The following IFNAR1 variants were observed in gnomAD, a reference collection of about 807,000 sequenced individuals.
IFNAR1 encodes interferon alpha and beta receptor subunit 1, also known as interferon alpha/beta receptor 1.
In IFNAR1, 47 loss-of-function variants were observed where a neutral mutation model predicts 62.1. The ratio of observed to expected loss-of-function variants is 0.76; its 90% CI spans 0.60 to 0.97. The LOEUF (loss-of-function observed/expected upper bound fraction) is 0.97, where lower values mean the gene tolerates loss of function less well. Among genes scored for constraint, IFNAR1 ranks in the 50% least tolerant of loss-of-function variants. IFNAR1 has a pLI of 0.00. For missense variants in IFNAR1, 638 were observed against 654.5 expected (o/e 0.97, Z 0.27); for synonymous variants, 219 against 226.9 (o/e 0.97, Z 0.31).
At chr21:33,337,027 AGGCGT>A (rs1165092876) in intron 2 of IFNAR1, among the ~76,000 whole-genome samples, 1 of 152,080 alleles carries the variant, frequency 6.6e-6, no homozygotes, top group African/African-American at 2.4e-5. Flanking sequence ...CTAGGATTAC[AGGCGT>A]GAGCCACTGC....
intron 1 of IFNAR1, among the ~76,000 whole-genome samples, chr21:33,331,440 T>C (rs1447972280): frequency 6.6e-6 from 1 of 152,214 alleles, no homozygotes; most frequent in African/African-American, 2.4e-5. Context: ...TAGTATCCTA[T>C]GTCTCAGGGA....
chr21:33,337,234 TAAATA>T (rs906657939), intron 2 of IFNAR1, among the ~76,000 whole-genome samples: 4 of 151,804 alleles, frequency 2.6e-5, no homozygotes, highest in Admixed American at 6.6e-5. Context: ...AATAAATAAA[TAAATA>T]AAATAAAATA....
At chr21:33,334,555 C>A in intron 1 of IFNAR1, 1 of 515,314 alleles carries the variant, frequency 1.9e-6, no homozygotes, top group South Asian at 1.7e-5. Flanking sequence ...ACCGCTAGAA[C>A]TGCCCTGCGA....
At position 33,353,744 on chromosome 21, in the gene IFNAR1, C is replaced by A. The variant is rs768989857; in HGVS notation, c.1401C>A (p.Val467=). 6.3e-7 allele frequency: 1 copy of A among 1,589,334 alleles called. No homozygotes were observed. Among genetic ancestry groups the A allele is most frequent in the Non-Finnish European group, 8.5e-7 (1 of 1,170,396 alleles). Residue 467 remains valine (V), a synonymous_variant, in exon 10 of 11, where the codon GTC becomes GTA. Transcript: ENST00000270139. The part of the protein sequence containing the change: ...AKVFLRCINY[V]FFPSLKPSSS... ...TCTTCTTGAGATGCATCAATTATGT[C>A]TTCTTTCCATCACTTAAACCTTCTT... is the stretch of plus-strand genomic sequence containing the variant.
intron 1 of IFNAR1, among the ~76,000 whole-genome samples, chr21:33,328,264 C>G (rs1399897261): frequency 6.6e-6 from 1 of 152,148 alleles, no homozygotes; most frequent in Non-Finnish European, 1.5e-5. Flanking sequence ...AGATAGCAGG[C>G]TTCAGAGAGA....
Position 33,325,037 on chromosome 21 carries a change from G to T in IFNAR1, c.-19G>T. The T allele has an allele frequency of 6.3e-7, 1 of 1,581,566 alleles. No individual in the cohort carries two copies. Among genetic ancestry groups the T allele is most frequent in the East Asian group, 2.3e-5 (1 of 43,228 alleles). On this transcript the variant is annotated 5_prime_UTR_variant, in exon 1 of 11. Transcript: ENST00000270139. The stretch of plus-strand genomic sequence containing the variant: ...GCGTGCGCGAACATGTAACTGGTGG[G>T]ATCTGCGGCGGCTCCCAGATGATGG...
chr21:33,355,673 T>C lies in IFNAR1; in HGVS notation c.*124T>C, dbSNP rs2083441215. 1.8e-6 allele frequency: 1 copy of C among 543,990 alleles called. No individual in the cohort carries two copies. Among genetic ancestry groups the C allele is most frequent in the Non-Finnish European group, 3.2e-6 (1 of 307,786 alleles). The allele number at this position is 543,990 out of a possible 1,614,324, so 33.7% of individuals were successfully genotyped here. ...TCCCTGTTTAGGGAAAGAAAAAACATCTTCAGATCATAGGTCCTAAAAATA... is the reference window on the plus strand; with the variant it reads ...TCCCTGTTTAGGGAAAGAAAAAACACCTTCAGATCATAGGTCCTAAAAATA... On this transcript the variant is annotated 3_prime_UTR_variant, in exon 11 of 11. Coordinates refer to ENST00000270139, the MANE Select transcript of IFNAR1 (RefSeq NM_000629.3).
chr21:33,338,427 G>A (rs1442200983), intron 2 of IFNAR1, among the ~76,000 whole-genome samples: 5 of 151,312 alleles, frequency 3.3e-5, no homozygotes, highest in African/African-American at 9.8e-5. Flanking sequence ...CCACCTACTT[G>A]GGAGGCTGAG....
Position 33,353,690 on chromosome 21 carries a change from T to A in IFNAR1, c.1347T>A (p.Ala449=), listed in dbSNP as rs916948692. Reference sequence around the variant, plus strand: ...TTGGAATTTGTATTGCATTATTTGCTCTCCCGTTTGTCATTTATGCTGCGA... The same window carrying A: ...TTGGAATTTGTATTGCATTATTTGCACTCCCGTTTGTCATTTATGCTGCGA... ...LIVGICIALF[A]LPFVIYAAKV... Residue 449 remains alanine, a synonymous_variant, in exon 10 of 11, where the codon GCT becomes GCA. Coordinates refer to ENST00000270139, the MANE Select transcript of IFNAR1 (RefSeq NM_000629.3). The A allele has an allele frequency of 1.3e-6, 2 of 1,582,960 alleles. No homozygotes were observed. The highest frequency in any genetic ancestry group is 2.7e-5 in the African/African-American group (2 of 73,270).
intron 1 of IFNAR1, among the ~76,000 whole-genome samples, chr21:33,332,014 G>A (rs2252931): frequency 0.22 from 33,544 of 152,064 alleles, 4,366 homozygotes; most frequent in Admixed American, 0.29. Flanking sequence ...AAGTGTCTCA[G>A]TAGGTTTGTG....
intron 9 of IFNAR1, among the ~76,000 whole-genome samples, 196 bp from the exon 10 acceptor site, chr21:33,353,442 T>G (rs117954151): frequency 3.8e-4 from 58 of 152,310 alleles, no homozygotes; most frequent in Non-Finnish European, 7.6e-4. Context: ...TTACTTCAGT[T>G]CCCACGCCAA....
upstream of IFNAR1, chr21:33,324,894 T>TGTGTGTGTGTGTGTGTGG: frequency 1.6e-6 from 1 of 619,882 alleles, no homozygotes; most frequent in Non-Finnish European, 2.9e-6. Context: ...GGAGGGGCGG[T>TGTGTGTGTGTGTGTGTGG]GTGTGTGTCA....
Position 33,348,078 on chromosome 21 carries a change from G to A in IFNAR1, c.789-1013G>A, listed in dbSNP as rs115076232. 4.7e-3 allele frequency among the ~76,000 whole-genome samples: 722 copies of A among 152,288 alleles called. 8 individuals are homozygous for A. Among genetic ancestry groups the A allele is most frequent in the African/African-American group, 0.017 (695 of 41,534 alleles). On this transcript the variant is annotated intron_variant, in intron 6 of 10. Transcript: ENST00000270139. ...AAGGAAACCAGTCAGGAGGCTATTA[G>A]AGTTCTGGGCTTGAACTGAGATGCT...
chr21:33,345,082 C>T (rs915791809), intron 5 of IFNAR1, among the ~76,000 whole-genome samples, 164 bp from the exon 6 acceptor site: 2 of 152,160 alleles, frequency 1.3e-5, no homozygotes, highest in Admixed American at 1.3e-4. Flanking sequence ...GCCACTGCGC[C>T]CGGCCTGTAG....
chr21:33,331,787 T>C (rs2083183798), intron 1 of IFNAR1, among the ~76,000 whole-genome samples: 1 of 152,118 alleles, frequency 6.6e-6, no homozygotes, highest in Non-Finnish European at 1.5e-5. Context: ...TATTCCCAAA[T>C]TAAAACCATA....
At chr21:33,334,238 C>G (rs2083211322) in intron 1 of IFNAR1, among the ~76,000 whole-genome samples, 1 of 152,146 alleles carries the variant, frequency 6.6e-6, no homozygotes, top group Non-Finnish European at 1.5e-5. Flanking sequence ...TAGTTGGGGA[C>G]TTCAGCACCC....
In IFNAR1 at chr21:33,349,157, T is replaced by C. The variant is rs2083376807; in HGVS notation, c.855T>C (p.Asn285=). 3 of 1,613,336 alleles carry C rather than the reference T, an allele frequency of 1.9e-6. No individual in the cohort carries two copies. In the East Asian group the frequency reaches 6.7e-5, roughly 36 times the overall value. ...GGAAACAAATACCTGACTGTGAAAA[T>C]GTCAAAACTACCCAGTGTGTCTTTC... is the stretch of plus-strand genomic sequence containing the variant. ...YKWKQIPDCE[N]VKTTQCVFPQ... is the part of the protein sequence containing the mutation. Residue 285 remains asparagine (N), a synonymous_variant, in exon 7 of 11, where the codon AAT becomes AAC. Transcript: ENST00000270139.
chr21:33,335,615 C>A lies in IFNAR1; in HGVS notation c.168C>A (p.Val56=). The change falls in exon 2 of 11, where the codon GTC becomes GTA. Residue 56 remains valine, a synonymous_variant. Coordinates refer to ENST00000270139, the MANE Select transcript of IFNAR1 (RefSeq NM_000629.3). ...GGTGGAACAGGAGCGATGAGTCTGT[C>A]GGGAATGTGACTTTTTCATTCGATT... The part of the protein sequence containing the change: ...ILRWNRSDES[V]GNVTFSFDYQ... The A allele has an allele frequency of 1.3e-6, 2 of 1,598,256 alleles. No homozygotes were observed. Among genetic ancestry groups the A allele is most frequent in the Non-Finnish European group, 1.7e-6 (2 of 1,172,048 alleles).
chr21:33,327,905 G>A (rs2083141447), intron 1 of IFNAR1, among the ~76,000 whole-genome samples: 1 of 152,174 alleles, frequency 6.6e-6, no homozygotes, highest in African/African-American at 2.4e-5. Context: ...TAGATTTAAA[G>A]ATTTTCTGAT....
Sources: gnomAD v4.1 joint callset for allele counts (sites outside exome capture counted in the v4.1 genomes callset) on GRCh38, gnomAD v4.1.1 for gene constraint, MANE v1.5 for transcripts, NCBI Gene and HGNC (gene_info 2026-07-23, HGNC 2026-07-21) for gene names.